Variants in CYSLTR2 observed in about 807,000 individuals in gnomAD.
The protein encoded by CYSLTR2 is cysteinyl leukotriene receptor 2.
For missense variants in CYSLTR2, 398 were observed against 411.9 expected (o/e 0.97, Z 0.29); for synonymous variants, 179 against 160.8 (o/e 1.11, Z -0.86).
chr13:48,660,744 G>T (rs1026903821), intron 1 of CYSLTR2, among the ~76,000 whole-genome samples: 1 of 152,202 alleles, frequency 6.6e-6, no homozygotes, highest in African/African-American at 2.4e-5. Context: ...GGTCTAGAAA[G>T]CTTGGCATTT....
intron 2 of CYSLTR2, among the ~76,000 whole-genome samples, chr13:48,692,410 G>T (rs1954062102): frequency 6.6e-6 from 1 of 151,714 alleles, no homozygotes; most frequent in South Asian, 2.1e-4. Flanking sequence ...CATCATTCAT[G>T]TAACATTCTA....
At position 48,710,953 on chromosome 13, in the gene CYSLTR2, TAA is replaced by T. The variant is rs1355203725; in HGVS notation, c.*3096_*3097del. On this transcript the variant is annotated 3_prime_UTR_variant, in exon 5 of 5. Transcript: ENST00000682523. ...GATGTGTACGTGTGTGGGAGAGGTA[TAA>T]GAGACCTAGGTTGCCATATTCTATC... is the stretch of plus-strand genomic sequence containing the variant. The T allele has an allele frequency of 1.3e-5, 2 of 152,090 alleles. No individual in the cohort carries two copies. The highest frequency in any genetic ancestry group is 2.9e-5 in the Non-Finnish European group (2 of 68,016). 9.4% of individuals were successfully genotyped at this position (152,090 alleles called of 1,614,324 possible). A position where few individuals can be genotyped will look rare whatever the true frequency, so the allele number is the denominator to read the frequency against.
chr13:48,664,640 A>T (rs548679975), intron 1 of CYSLTR2, among the ~76,000 whole-genome samples: 1 of 152,028 alleles, frequency 6.6e-6, no homozygotes, highest in African/African-American at 2.4e-5. Context: ...GGTAGTCTCT[A>T]ATGATCCTTT....
chr13:48,667,536 G>T (rs574144014), intron 1 of CYSLTR2, among the ~76,000 whole-genome samples: 55 of 152,262 alleles, frequency 3.6e-4, no homozygotes, highest in African/African-American at 1.3e-3. Context: ...TGGCTTGCCT[G>T]GGGACATGCC....
chr13:48,679,287 C>G (rs531110525), intron 1 of CYSLTR2, among the ~76,000 whole-genome samples: 243 of 152,286 alleles, frequency 1.6e-3, no homozygotes, highest in Middle Eastern at 6.8e-3. Flanking sequence ...CCCCTGCATT[C>G]TCATAGCACT....
chr13:48,683,476 G>A (rs1953812828), intron 1 of CYSLTR2, among the ~76,000 whole-genome samples: 1 of 152,118 alleles, frequency 6.6e-6, no homozygotes, highest in Non-Finnish European at 1.5e-5. Context: ...TTTATCTAAT[G>A]ATCAGTGATA....
At chr13:48,667,318 G>A (rs1056454474) in intron 1 of CYSLTR2, among the ~76,000 whole-genome samples, 5 of 152,196 alleles carry the variant, frequency 3.3e-5, no homozygotes, top group Non-Finnish European at 5.9e-5. Flanking sequence ...AGTTTGCTAG[G>A]GTTAAGGCCA....
intron 1 of CYSLTR2, among the ~76,000 whole-genome samples, chr13:48,683,251 G>A (rs1459749872): frequency 6.6e-6 from 1 of 152,170 alleles, no homozygotes; most frequent in Non-Finnish European, 1.5e-5. Flanking sequence ...ACCCAGTAGT[G>A]GAATTGCTGG....
chr13:48,703,597 T>C (rs189309114), intron 4 of CYSLTR2, among the ~76,000 whole-genome samples: 2 of 152,338 alleles, frequency 1.3e-5, no homozygotes, highest in African/African-American at 4.8e-5. Context: ...GGTATAATTC[T>C]TTTCATATAT....
chr13:48,702,176 T>C (rs1292768703), intron 4 of CYSLTR2, among the ~76,000 whole-genome samples: 8 of 147,398 alleles, frequency 5.4e-5, no homozygotes, highest in South Asian at 2.1e-4. Flanking sequence ...AACCAAACAC[T>C]GCATGTTCTC....
In CYSLTR2 at chr13:48,705,996, G is replaced by GTTTTTTTTTTTTTTTTTTTTTT. The variant is rs368909553; in HGVS notation, c.-1-819_-1-818insTTTTTTTTTTTTTTTTTTTTTT. Among the ~76,000 whole-genome samples the GTTTTTTTTTTTTTTTTTTTTTT allele has an allele frequency of 2.3e-5, 3 of 128,588 alleles. 1 individual carries two copies. Among genetic ancestry groups the GTTTTTTTTTTTTTTTTTTTTTT allele is most frequent in the African/African-American group, 6.6e-5 (2 of 30,236 alleles). 84.4% of individuals were successfully genotyped at this position (128,588 alleles called of 152,430 possible). A position where few individuals can be genotyped will look rare whatever the true frequency, so the allele number is the denominator to read the frequency against. On this transcript the variant is annotated intron_variant, in intron 4 of 4. Transcript: ENST00000682523. ...TGTTTGTTTTTTGTTTTGTTTTGTT[G>GTTTTTTTTTTTTTTTTTTTTTT]TTGTTTTTTTTTTTTTTGAGATGGA... is the stretch of plus-strand genomic sequence containing the variant.
chr13:48,703,558 A>ATTG (rs1954405102), intron 4 of CYSLTR2, among the ~76,000 whole-genome samples: 1 of 152,204 alleles, frequency 6.6e-6, no homozygotes, highest in East Asian at 1.9e-4. Context: ...CACTTTTAAA[A>ATTG]ATATTAATTG....
intron 4 of CYSLTR2, among the ~76,000 whole-genome samples, chr13:48,698,190 G>A (rs1000014108): frequency 6.6e-6 from 1 of 152,122 alleles, no homozygotes; most frequent in African/African-American, 2.4e-5. Flanking sequence ...GATACTCCTC[G>A]AGAAGAGCAA....
rs912638463 is a variant in CYSLTR2, at chr13:48,709,454, A to G, written c.*1596A>G. 2.4e-5 allele frequency: 4 copies of G among 164,650 alleles called. No individual in the cohort carries two copies. Among genetic ancestry groups the G allele is most frequent in the Non-Finnish European group, 5.9e-5 (4 of 68,100 alleles). The allele number at this position is 164,650 out of a possible 1,614,324, so 10.2% of individuals were successfully genotyped here. ...AGACAGGACCCTGGAGGATCCTCCT[A>G]TGGGGAAACTGCATAATCTGAAAAA... is the stretch of plus-strand genomic sequence containing the variant. On this transcript the variant is annotated 3_prime_UTR_variant, in exon 5 of 5. Coordinates refer to ENST00000682523, the MANE Select transcript of CYSLTR2 (RefSeq NM_001308476.3).
At chr13:48,692,404 A>G (rs1954061953) in intron 2 of CYSLTR2, among the ~76,000 whole-genome samples, 1 of 151,922 alleles carries the variant, frequency 6.6e-6, no homozygotes, top group Non-Finnish European at 1.5e-5. Context: ...TTTGTACATC[A>G]TTCATGTAAC....
At chr13:48,664,485 A>G (rs1953210423) in intron 1 of CYSLTR2, among the ~76,000 whole-genome samples, 1 of 151,896 alleles carries the variant, frequency 6.6e-6, no homozygotes, top group Admixed American at 6.6e-5. Flanking sequence ...ACTCTTTATT[A>G]CTGATTCAAT....
At chr13:48,674,565 C>T (rs531150946) in intron 1 of CYSLTR2, among the ~76,000 whole-genome samples, 8 of 152,196 alleles carry the variant, frequency 5.3e-5, no homozygotes, top group Non-Finnish European at 1.2e-4. Context: ...TGGGCTAGAA[C>T]ATGATCCTTT....
At chr13:48,661,605 G>C (rs1201641801) in intron 1 of CYSLTR2, among the ~76,000 whole-genome samples, 1 of 152,136 alleles carries the variant, frequency 6.6e-6, no homozygotes, top group African/African-American at 2.4e-5. Context: ...TGGCATAACT[G>C]AGGCTCAGAG....
At chr13:48,679,828 C>T (rs903820875) in intron 1 of CYSLTR2, among the ~76,000 whole-genome samples, 11 of 152,006 alleles carry the variant, frequency 7.2e-5, no homozygotes, top group African/African-American at 2.2e-4. Context: ...AAGTGAGGAG[C>T]CATGAGAGTA....
Sources: allele counts gnomAD v4.1 joint callset (sites outside exome capture counted in the v4.1 genomes callset), GRCh38; gene constraint gnomAD v4.1.1; transcripts MANE v1.5; gene names NCBI Gene and HGNC (gene_info 2026-07-23, HGNC 2026-07-21).